The following SLC3A2 variants were observed in gnomAD, a reference collection of about 807,000 sequenced individuals.
SLC3A2 encodes amino acid transporter heavy chain SLC3A2.
SLC3A2 carries 32 observed loss-of-function variants against 48.5 expected under a neutral mutation model. That is an observed-to-expected ratio of 0.66 (90% CI 0.50 to 0.89). SLC3A2 has a LOEUF of 0.89. SLC3A2 is among the 40% of genes least tolerant of loss of function. SLC3A2 has a pLI of 0.00. For synonymous variants in SLC3A2, 277 were observed against 288.8 expected (o/e 0.96, Z 0.41); for missense variants, 587 against 680.7 (o/e 0.86, Z 1.53).
Position 62,881,765 on chromosome 11 carries a change from C to T in SLC3A2, c.425-128C>T. 9.3e-7 allele frequency: 1 copy of T among 1,077,940 alleles called. No individual in the cohort carries two copies. The highest frequency in any genetic ancestry group is 1.3e-6 in the Non-Finnish European group (1 of 747,886). 66.8% of individuals were successfully genotyped at this position (1,077,940 alleles called of 1,614,324 possible). On this transcript the variant is annotated intron_variant, in intron 1 of 8. Coordinates refer to ENST00000338663, the MANE Select transcript of SLC3A2 (RefSeq NM_001013251.3). The surrounding 1 kb of genome is among the most constrained non-coding windows in gnomAD (Gnocchi z 4.0). ...ATCAGCTCCTCTGAGTCTCGTGATT[C>T]AGCCTTGCCTCCCTCTCTCCCCCTT...
At chr11:62,882,371 GGA>G (rs2085653555) in intron 2 of SLC3A2, 3 of 337,014 alleles carry the variant, frequency 8.9e-6, no homozygotes, top group Non-Finnish European at 1.7e-5. Flanking sequence ...TTGGGGGGGG[GGA>G]ATCCCAAATA....
rs535026041 is a variant in SLC3A2, at chr11:62,864,411, C to G, written c.112+8030C>G. Among the ~76,000 whole-genome samples, 9 of 152,136 alleles carry G rather than the reference C, an allele frequency of 5.9e-5. No individual in the cohort carries two copies. The East Asian group carries it at 1.7e-3, about 29-fold the overall frequency. On this transcript the variant is annotated intron_variant, in intron 1 of 9. Coordinates refer to the SLC3A2 transcript ENST00000377889. ...TCAAGCAATTCTTGGTCCTCAGCCT[C>G]CCAAGCAGCTGAGGCTATAGGCGCG... is the stretch of plus-strand genomic sequence containing the variant.
At chr11:62,879,391 T>A (rs904462962), upstream of SLC3A2, among the ~76,000 whole-genome samples, 22 of 152,182 alleles carry the variant, frequency 1.4e-4, no homozygotes, top group African/African-American at 5.1e-4. Flanking sequence ...CAGGCATGAG[T>A]CACACTGCGC....
intron 1 of SLC3A2, among the ~76,000 whole-genome samples, chr11:62,863,254 T>C (rs934529851): frequency 1.3e-5 from 2 of 152,104 alleles, no homozygotes; most frequent in African/African-American, 2.4e-5. Flanking sequence ...AGGATCTCAC[T>C]CTGTCACCTA....
intron 1 of SLC3A2, among the ~76,000 whole-genome samples, chr11:62,874,926 C>CT (rs1240072962): frequency 3.9e-5 from 6 of 152,184 alleles, no homozygotes; most frequent in African/African-American, 1.4e-4. Context: ...TCGTGTGCGA[C>CT]TAATTTTTGT....
chr11:62,864,903 C>G (rs2085437604), intron 1 of SLC3A2, among the ~76,000 whole-genome samples: 3 of 152,018 alleles, frequency 2.0e-5, no homozygotes, highest in Admixed American at 2.0e-4. Flanking sequence ...CATGCCCAGT[C>G]CCCGTTTAAA....
rs772054785 is a variant in SLC3A2 at position 62,884,481 on chromosome 11, G to A, written c.715G>A (p.Ala239Thr). 1 of 1,614,116 alleles carries A rather than the reference G, an allele frequency of 6.2e-7. No homozygotes were observed. The highest frequency in any genetic ancestry group is 1.3e-5 in the African/African-American group (1 of 74,940). ...VKDALEFWLQ[A>T]GVDGFQVRDI... ...GGATGCTCTGGAGTTTTGGCTGCAA[G>A]CTGGCGTGGATGGGTTCCAGGTTCG... is the stretch of plus-strand genomic sequence containing the variant. The change falls in exon 4 of 9, where the codon GCT (alanine) becomes ACT (threonine). Residue 239 changes from alanine (A) to threonine (T), a missense_variant. Coordinates refer to ENST00000338663, the MANE Select transcript of SLC3A2 (RefSeq NM_001013251.3).
chr11:62,881,115 C>T lies in SLC3A2; in HGVS notation c.92C>T (p.Ala31Val), dbSNP rs374048827. 6.0e-5 allele frequency: 96 copies of T among 1,608,496 alleles called. No homozygotes were observed. The highest frequency in any genetic ancestry group is 3.7e-4 in the Admixed American group (22 of 58,744). Residue 31 changes from alanine to valine, a missense_variant, in exon 1 of 9, where the codon GCC becomes GTC. Coordinates refer to ENST00000338663, the MANE Select transcript of SLC3A2 (RefSeq NM_001013251.3). This position sits in a 1 kb window ranked among gnomAD's most constrained non-coding sequence, Gnocchi z 4.0. The stretch of plus-strand genomic sequence containing the variant: ...CCGATGAACGCGGCGTCTGGGGCGG[C>T]CATGTCCCTGGCGGGAGCCGAGAAG... ...KQPMNAASGAAMSLAGAEKNG... is the reference protein window; with the variant it reads ...KQPMNAASGAVMSLAGAEKNG...
At chr11:62,879,465 C>T (rs772002602), upstream of SLC3A2, among the ~76,000 whole-genome samples, 1 of 152,156 alleles carries the variant, frequency 6.6e-6, no homozygotes, top group Non-Finnish European at 1.5e-5. Flanking sequence ...CACTTCTTAT[C>T]TGGCACATGC....
Position 62,882,002 on chromosome 11 carries a change from G to T in SLC3A2, c.534G>T (p.Gln178His), listed in dbSNP as rs1440898855. Residue 178 changes from glutamine to histidine, a missense_variant, in exon 2 of 9, where the codon CAG becomes CAT. Coordinates refer to ENST00000338663, the MANE Select transcript of SLC3A2 (RefSeq NM_001013251.3). ...ATGTCGCTCAGACTGACTTGCTGCA[G>T]ATCGACCCCAATTTTGGCTCCAAGG... ...KDDVAQTDLL[Q>H]IDPNFGSKED... 1 of 1,614,108 alleles carries T rather than the reference G, an allele frequency of 6.2e-7. No homozygotes were observed. The highest frequency in any genetic ancestry group is 1.3e-5 in the African/African-American group (1 of 74,928).
At position 62,884,809 on chromosome 11, in the gene SLC3A2, T is replaced by C. The variant is rs571186518; in HGVS notation, c.818+119T>C. On this transcript the variant is annotated intron_variant, in intron 5 of 8. Transcript: ENST00000338663. ...CATTTTCTTTACCTTTATTCTTTCT[T>C]TAGCTTTTTTTTTTTTTTTTTTTTT... is the stretch of plus-strand genomic sequence containing the variant. 7.9e-4 allele frequency: 386 copies of C among 490,790 alleles called. 1 individual carries two copies. The highest frequency in any genetic ancestry group is 7.8e-4 in the Non-Finnish European group (243 of 311,732). The allele number at this position is 490,790 out of a possible 1,614,324, so 30.4% of individuals were successfully genotyped here.
intron 3 of SLC3A2, chr11:62,884,099 C>A (rs2085676316): frequency 4.8e-5 from 23 of 475,948 alleles, no homozygotes; most frequent in South Asian, 3.6e-4. Flanking sequence ...TCTGTTTCTT[C>A]ATCTCTAAAA....
At chr11:62,869,806 G>A (rs1024062923) in intron 1 of SLC3A2, among the ~76,000 whole-genome samples, 8 of 135,764 alleles carry the variant, frequency 5.9e-5, no homozygotes, top group Non-Finnish European at 1.3e-4. Flanking sequence ...TTTTTGAGTT[G>A]GAGTCTTGCT....
At chr11:62,888,294 C>A (rs775208426) in intron 8 of SLC3A2, 37 bp from the exon 9 acceptor site, 12 of 1,608,894 alleles carry the variant, frequency 7.5e-6, no homozygotes, top group East Asian at 2.2e-5. Flanking sequence ...CCAGGGGAGC[C>A]CCTCACACGC....
rs778629415 is a variant in SLC3A2 at position 62,882,039 on chromosome 11, A to G, written c.571A>G (p.Ser191Gly). ...PNFGSKEDFD[S>G]LLQSAKKKSI... The stretch of plus-strand genomic sequence containing the variant: ...TTTTGGCTCCAAGGAAGATTTTGAC[A>G]GTCTCTTGCAATCGGCTAAAAAAAA... The change falls in exon 2 of 9, where the codon AGT (serine) becomes GGT (glycine). Residue 191 changes from serine (S) to glycine (G), a missense_variant. Transcript: ENST00000338663. 1 of 1,614,204 alleles carries G rather than the reference A, an allele frequency of 6.2e-7. No individual in the cohort carries two copies. The highest frequency in any genetic ancestry group is 8.5e-7 in the Non-Finnish European group (1 of 1,180,040).
chr11:62,888,096 C>T (rs1477474552), intron 7 of SLC3A2, 39 bp from the exon 8 acceptor site: 7 of 1,567,348 alleles, frequency 4.5e-6, no homozygotes, highest in Admixed American at 3.3e-5. Flanking sequence ...CATGCCTGAC[C>T]CCAGGCCTTT....
intron 1 of SLC3A2, among the ~76,000 whole-genome samples, chr11:62,860,512 G>A (rs547283342): frequency 2.6e-5 from 4 of 151,676 alleles, no homozygotes; most frequent in African/African-American, 9.7e-5. Flanking sequence ...GCCATAAGGC[G>A]GTTTTCTCCT....
At chr11:62,864,934 T>C (rs892060079) in intron 1 of SLC3A2, among the ~76,000 whole-genome samples, 1 of 152,006 alleles carries the variant, frequency 6.6e-6, no homozygotes, top group African/African-American at 2.4e-5. Context: ...TGAGGAAATA[T>C]CTAGTGATGG....
At position 62,881,936 on chromosome 11, in the gene SLC3A2, G is replaced by A. The variant is rs753492632; in HGVS notation, c.468G>A (p.Lys156=). 2 of 1,614,078 alleles carry A rather than the reference G, an allele frequency of 1.2e-6. No individual in the cohort carries two copies. Among genetic ancestry groups the A allele is most frequent in the East Asian group, 2.2e-5 (1 of 44,890 alleles). ...RLDYLSSLKV[K]GLVLGPIHKN... ...ATTACCTGAGCTCTCTGAAGGTGAA[G>A]GGCCTTGTGCTGGGTCCAATTCACA... is the stretch of plus-strand genomic sequence containing the variant. The change falls in exon 2 of 9, where the codon AAG becomes AAA. Residue 156 remains lysine, a synonymous_variant. Transcript: ENST00000338663. This position sits in a 1 kb window ranked among gnomAD's most constrained non-coding sequence, Gnocchi z 4.0.
Sources: allele counts gnomAD v4.1 joint callset (sites outside exome capture counted in the v4.1 genomes callset), GRCh38; gene constraint gnomAD v4.1.1; non-coding constraint Gnocchi (gnomAD v3.1); transcripts MANE v1.5; gene names NCBI Gene and HGNC (gene_info 2026-07-23, HGNC 2026-07-21).